Variants in ACVR1C observed in about 807,000 individuals in gnomAD.
The protein encoded by ACVR1C is activin receptor type-1C.
Under a neutral mutation model 57.9 loss-of-function variants are expected in ACVR1C, and 23 were observed. The observed-to-expected ratio is 0.40, with a 90% confidence interval of 0.29 to 0.56. ACVR1C has a LOEUF of 0.56. ACVR1C is among the 20% of genes least tolerant of loss of function. The pLI is 0.50. For synonymous variants in ACVR1C, 214 were observed against 215.3 expected (o/e 0.99, Z 0.05); for missense variants, 480 against 607.9 (o/e 0.79, Z 2.21).
intron 4 of ACVR1C, among the ~76,000 whole-genome samples, chr2:157,549,757 G>A (rs1232649791): frequency 2.0e-5 from 3 of 151,152 alleles, no homozygotes; most frequent in East Asian, 2.0e-4. Context: ...AGGCCGAGGC[G>A]GGCAGATCAC....
rs1687316420 is a variant in ACVR1C at position 157,529,841 on chromosome 2, A to C, written c.*4077T>G. On this transcript the variant is annotated 3_prime_UTR_variant, in exon 9 of 9. Coordinates refer to ENST00000243349, the MANE Select transcript of ACVR1C (RefSeq NM_145259.3). Reference sequence around the variant, plus strand: ...GTCAAATATCTATATATTTTCATTAAAATGTTTTGAAAAATGCCCATATTA... The same window carrying C: ...GTCAAATATCTATATATTTTCATTACAATGTTTTGAAAAATGCCCATATTA... 1 of 152,108 alleles carries C rather than the reference A, an allele frequency of 6.6e-6. No homozygotes were observed. Among genetic ancestry groups the C allele is most frequent in the Non-Finnish European group, 1.5e-5 (1 of 67,976 alleles). 9.4% of individuals were successfully genotyped at this position (152,108 alleles called of 1,614,324 possible).
intron 2 of ACVR1C, among the ~76,000 whole-genome samples, chr2:157,585,318 A>C (rs899399127): frequency 1.3e-5 from 2 of 152,226 alleles, no homozygotes; most frequent in Non-Finnish European, 2.9e-5. Flanking sequence ...AAATAAATAA[A>C]TAATAAAACA....
chr2:157,541,005 G>GC, intron 7 of ACVR1C, 85 bp downstream of exon 7: 1 of 1,463,008 alleles, frequency 6.8e-7, no homozygotes, highest in Admixed American at 2.1e-5. Context: ...TGAATATAGT[G>GC]CTTAGGGGAA....
At position 157,567,280 on chromosome 2, in the gene ACVR1C, A is replaced by T. The variant is rs1403973308; in HGVS notation, c.305-10948T>A. ...AAAGTTGGGGAAAAAACAGAACAGA[A>T]AAACTGGAAACTCTAAAACACCGAG... On this transcript the variant is annotated intron_variant, in intron 2 of 8. Coordinates refer to ENST00000243349, the MANE Select transcript of ACVR1C (RefSeq NM_145259.3). Among the ~76,000 whole-genome samples, 5 of 105,482 alleles carry T rather than the reference A, an allele frequency of 4.7e-5. 1 individual carries two copies. Among genetic ancestry groups the T allele is most frequent in the Admixed American group, 2.8e-4 (3 of 10,826 alleles). 69.2% of individuals were successfully genotyped at this position (105,482 alleles called of 152,430 possible).
chr2:157,600,572 C>T (rs939087799), intron 1 of ACVR1C, among the ~76,000 whole-genome samples: 2 of 152,144 alleles, frequency 1.3e-5, no homozygotes, highest in Non-Finnish European at 2.9e-5. Flanking sequence ...CTCAAGGGTT[C>T]TCAGGGGCTC....
intron 4 of ACVR1C, among the ~76,000 whole-genome samples, chr2:157,549,751 C>T (rs1023885840): frequency 6.7e-6 from 1 of 149,496 alleles, no homozygotes; most frequent in Admixed American, 6.8e-5. Flanking sequence ...TTTGGGAGGC[C>T]GAGGCGGGCA....
Position 157,532,878 on chromosome 2 carries a change from T to C in ACVR1C, c.*1040A>G, listed in dbSNP as rs1687389878. ...TCTAAGTGTGTATGTACAAAGGAAATAGGGACCTCTGAATTGTATCTTAAA... is the reference window on the plus strand; with the variant it reads ...TCTAAGTGTGTATGTACAAAGGAAACAGGGACCTCTGAATTGTATCTTAAA... On this transcript the variant is annotated 3_prime_UTR_variant, in exon 9 of 9. Coordinates refer to ENST00000243349, the MANE Select transcript of ACVR1C (RefSeq NM_145259.3). 6.6e-6 allele frequency: 1 copy of C among 152,158 alleles called. No individual in the cohort carries two copies. Among genetic ancestry groups the C allele is most frequent in the Non-Finnish European group, 1.5e-5 (1 of 68,022 alleles). 9.4% of individuals were successfully genotyped at this position (152,158 alleles called of 1,614,324 possible).
intron 7 of ACVR1C, among the ~76,000 whole-genome samples, chr2:157,539,359 A>T (rs1188557090): frequency 6.6e-6 from 1 of 152,214 alleles, no homozygotes; most frequent in Non-Finnish European, 1.5e-5. Flanking sequence ...TCTCAAAGAC[A>T]AAGACGACCT....
At chr2:157,591,240 T>C (rs1403478621) in intron 1 of ACVR1C, among the ~76,000 whole-genome samples, 1 of 152,016 alleles carries the variant, frequency 6.6e-6, no homozygotes, top group South Asian at 2.1e-4. Context: ...TGACCCAGAC[T>C]AGATTCTAGA....
chr2:157,610,210 G>C (rs973481343), intron 1 of ACVR1C, among the ~76,000 whole-genome samples: 3 of 151,942 alleles, frequency 2.0e-5, no homozygotes, highest in Non-Finnish European at 4.4e-5. Flanking sequence ...TCCAGGTTTA[G>C]GACTCCCTTG....
At chr2:157,611,390 T>A (rs1405894562) in intron 1 of ACVR1C, among the ~76,000 whole-genome samples, 3 of 152,058 alleles carry the variant, frequency 2.0e-5, no homozygotes, top group African/African-American at 7.2e-5. Context: ...TCCAGGTGGG[T>A]CGGTCTTTAG....
chr2:157,548,258 A>G (rs867207484), intron 4 of ACVR1C, among the ~76,000 whole-genome samples: 34 of 150,766 alleles, frequency 2.3e-4, no homozygotes, highest in Middle Eastern at 3.4e-3. Flanking sequence ...ACTACAAACC[A>G]CTGCTCAAGG....
chr2:157,625,222 A>G (rs1033867164), intron 1 of ACVR1C, among the ~76,000 whole-genome samples: 1 of 152,108 alleles, frequency 6.6e-6, no homozygotes, highest in Non-Finnish European at 1.5e-5. Context: ...CTCTCCCCAG[A>G]CCAGCTTTTC....
chr2:157,550,136 G>A, intron 4 of ACVR1C, 26 bp downstream of exon 4: 2 of 1,593,952 alleles, frequency 1.3e-6, no homozygotes, highest in East Asian at 4.5e-5. Flanking sequence ...TTTTTTACTT[G>A]TTGAACACAA....
At chr2:157,611,575 G>A (rs1434303215) in intron 1 of ACVR1C, among the ~76,000 whole-genome samples, 2 of 152,180 alleles carry the variant, frequency 1.3e-5, no homozygotes, top group Non-Finnish European at 2.9e-5. Context: ...GGCTTGTTGT[G>A]GGCAATGGCA....
chr2:157,533,376 C>T lies in ACVR1C; in HGVS notation c.*542G>A, dbSNP rs1347312239. 2.0e-5 allele frequency: 3 copies of T among 152,518 alleles called. No individual in the cohort carries two copies. Among genetic ancestry groups the T allele is most frequent in the Admixed American group, 2.0e-4 (3 of 15,254 alleles). The allele number at this position is 152,518 out of a possible 1,614,324, so 9.4% of individuals were successfully genotyped here. A position where few individuals can be genotyped will look rare whatever the true frequency, so the allele number is the denominator to read the frequency against. On this transcript the variant is annotated 3_prime_UTR_variant, in exon 9 of 9. Coordinates refer to ENST00000243349, the MANE Select transcript of ACVR1C (RefSeq NM_145259.3). ...CCAAGCACATGGGACACCCACCTCA[C>T]TTACATCTTCCACTAAGCAGCTCCA...
At chr2:157,626,270 G>A (rs75102632) in intron 1 of ACVR1C, among the ~76,000 whole-genome samples, 2,752 of 152,298 alleles carry the variant, frequency 0.018, 42 homozygotes, top group Non-Finnish European at 0.027. Flanking sequence ...CACCCAGCCA[G>A]CCTGATTTTT....
chr2:157,527,288 T>C lies in ACVR1C; in HGVS notation c.*6630A>G, dbSNP rs1687250244. On this transcript the variant is annotated 3_prime_UTR_variant, in exon 9 of 9. Coordinates refer to ENST00000243349, the MANE Select transcript of ACVR1C (RefSeq NM_145259.3). Reference sequence around the variant, plus strand: ...TTTATTTTTTCATATTCCTTCCTTATATACATTCCTTTGGGCCTGTCGGCT... The same window carrying C: ...TTTATTTTTTCATATTCCTTCCTTACATACATTCCTTTGGGCCTGTCGGCT... 1 of 152,352 alleles carries C rather than the reference T, an allele frequency of 6.6e-6. No homozygotes were observed. Among genetic ancestry groups the C allele is most frequent in the African/African-American group, 2.4e-5 (1 of 41,582 alleles). 9.4% of individuals were successfully genotyped at this position (152,352 alleles called of 1,614,324 possible). A position where few individuals can be genotyped will look rare whatever the true frequency, so the allele number is the denominator to read the frequency against.
At chr2:157,538,397 C>T (rs1227368663) in intron 8 of ACVR1C, among the ~76,000 whole-genome samples, 176 bp downstream of exon 8, 4 of 152,084 alleles carry the variant, frequency 2.6e-5, no homozygotes, top group Admixed American at 6.5e-5. Flanking sequence ...TGTCATGTAA[C>T]CTAGCATTAT....
Sources: allele counts gnomAD v4.1 joint callset (sites outside exome capture counted in the v4.1 genomes callset), GRCh38; gene constraint gnomAD v4.1.1; transcripts MANE v1.5; gene names NCBI Gene and HGNC (gene_info 2026-07-23, HGNC 2026-07-21).